The following C3orf18 variants were observed in gnomAD, a reference collection of about 807,000 sequenced individuals.
C3orf18 encodes chromosome 3 open reading frame 18.
C3orf18 carries 12 observed loss-of-function variants against 14.1 expected under a neutral mutation model. That is an observed-to-expected ratio of 0.85 (90% CI 0.55 to 1.38). C3orf18 has a LOEUF of 1.38. Ranked by LOEUF, C3orf18 falls within the 40% of genes most tolerant of loss-of-function variation. The probability of loss-of-function intolerance (pLI) is 0.00; values close to 1 mark genes in which losing one functional copy is unlikely to be tolerated. For missense variants in C3orf18, 196 were observed against 213.9 expected (o/e 0.92, Z 0.52); for synonymous variants, 82 against 87.9 (o/e 0.93, Z 0.38).
At chr3:50,559,886 C>T (rs1234860101) in intron 5 of C3orf18, 149 bp from the exon 6 acceptor site, 2 of 545,586 alleles carry the variant, frequency 3.7e-6, no homozygotes, top group Non-Finnish European at 6.5e-6. Context: ...CAAGCTCAGC[C>T]TACAAATATG....
chr3:50,568,742 A>G (rs924772443), upstream of C3orf18, among the ~76,000 whole-genome samples: 50 of 151,566 alleles, frequency 3.3e-4, no homozygotes, highest in African/African-American at 7.5e-4. Context: ...AAAAAAAAAA[A>G]AAAAGAAAAA....
rs1176900834 is a variant in C3orf18 at position 50,565,179 on chromosome 3, T to A, written c.234+287A>T. Among the ~76,000 whole-genome samples, 1 of 152,038 alleles carries A rather than the reference T, an allele frequency of 6.6e-6. No individual in the cohort carries two copies. Among genetic ancestry groups the A allele is most frequent in the South Asian group, 2.1e-4 (1 of 4,820 alleles). On this transcript the variant is annotated intron_variant, in intron 3 of 5. Coordinates refer to ENST00000357203, the MANE Select transcript of C3orf18 (RefSeq NM_016210.5). The surrounding 1 kb of genome is among the most constrained non-coding windows in gnomAD (Gnocchi z 4.4). ...GCCAGGAGTTCAAGACCAGCCTGGCTAACATAGCGAAACCCCATCTCTACT... is the reference window on the plus strand; with the variant it reads ...GCCAGGAGTTCAAGACCAGCCTGGCAAACATAGCGAAACCCCATCTCTACT...
At chr3:50,561,174 G>A in intron 4 of C3orf18, 110 bp from the exon 5 acceptor site, 5 of 1,197,418 alleles carry the variant, frequency 4.2e-6, no homozygotes, top group Non-Finnish European at 5.9e-6. Flanking sequence ...ACCATGCTTA[G>A]GGCCTTAAGG....
chr3:50,571,604 G>C, upstream of C3orf18: 2 of 1,052,336 alleles, frequency 1.9e-6, no homozygotes, highest in Non-Finnish European at 3.0e-6. Context: ...ATGATGAGAG[G>C]GTTGGGCCTC....
Position 50,561,707 on chromosome 3 carries a change from T to C in C3orf18, c.260+15A>G. 2 of 1,613,264 alleles carry C rather than the reference T, an allele frequency of 1.2e-6. No individual in the cohort carries two copies. The highest frequency in any genetic ancestry group is 1.7e-6 in the Non-Finnish European group (2 of 1,179,838). ...TCAAGTTTTGGGTGGGATTTGGGTT[T>C]GGGTGGGGAATTACCTCTTCTTCTT... On this transcript the variant is annotated intron_variant, in intron 4 of 5. Coordinates refer to ENST00000357203, the MANE Select transcript of C3orf18 (RefSeq NM_016210.5).
At chr3:50,572,262 ACCAGTCTTACC>A, upstream of C3orf18, 20 of 1,570,360 alleles carry the variant, frequency 1.3e-5, no homozygotes, top group Non-Finnish European at 1.7e-5. Flanking sequence ...AGTTCAGGGC[ACCAGTCTTACC>A]CCAGGCTTCC....
In C3orf18 at chr3:50,558,624, T is replaced by C. The variant is rs1559432180; in HGVS notation, c.*1033A>G. ...CCTCTAGCCTGCAGCCTGTGATTAC[T>C]GCCCTCAGACCAACAGCCTCTCCCA... On this transcript the variant is annotated 3_prime_UTR_variant, in exon 6 of 6. Transcript: ENST00000357203. 3.4e-6 allele frequency: 4 copies of C among 1,173,030 alleles called. No individual in the cohort carries two copies. The highest frequency in any genetic ancestry group is 2.2e-6 in the Non-Finnish European group (2 of 903,718). The allele number at this position is 1,173,030 out of a possible 1,614,324, so 72.7% of individuals were successfully genotyped here. A position where few individuals can be genotyped will look rare whatever the true frequency, so the allele number is the denominator to read the frequency against.
chr3:50,559,438 G>C lies in C3orf18; in HGVS notation c.*219C>G. On this transcript the variant is annotated 3_prime_UTR_variant, in exon 6 of 6. Coordinates refer to ENST00000357203, the MANE Select transcript of C3orf18 (RefSeq NM_016210.5). Reference sequence around the variant, plus strand: ...GATGCCCTCTGTGCCAGGGCCCTCAGGTCAGGAGAAGTCAGTGGTCAGAAG... The same window carrying C: ...GATGCCCTCTGTGCCAGGGCCCTCACGTCAGGAGAAGTCAGTGGTCAGAAG... 1 of 1,403,510 alleles carries C rather than the reference G, an allele frequency of 7.1e-7. No homozygotes were observed. The highest frequency in any genetic ancestry group is 9.3e-7 in the Non-Finnish European group (1 of 1,079,200). 86.9% of individuals were successfully genotyped at this position (1,403,510 alleles called of 1,614,324 possible).
intron 3 of C3orf18, among the ~76,000 whole-genome samples, chr3:50,563,020 A>G (rs1203129636): frequency 1.3e-5 from 2 of 152,178 alleles, no homozygotes; most frequent in African/African-American, 4.8e-5. Context: ...TCTGACTACC[A>G]GGAGCATGAC....
At chr3:50,571,727 G>T (rs774145570), upstream of C3orf18, 3 of 1,614,084 alleles carry the variant, frequency 1.9e-6, no homozygotes, top group Non-Finnish European at 2.5e-6. Context: ...GCCTGAGGCC[G>T]GCACTTTGGA....
chr3:50,567,303 A>G (rs1190230754), intron 1 of C3orf18, among the ~76,000 whole-genome samples, 160 bp downstream of exon 1: 4 of 152,112 alleles, frequency 2.6e-5, no homozygotes, highest in Non-Finnish European at 4.4e-5. Flanking sequence ...AGGGGAAGGG[A>G]AGGAAACCGG....
Position 50,561,753 on chromosome 3 carries a change from A to G in C3orf18, c.235-6T>C, listed in dbSNP as rs1331555050. On this transcript the variant is annotated splice_region_variant and splice_polypyrimidine_tract_variant and intron_variant, in intron 3 of 5. Transcript: ENST00000357203. ...TTCTTCCTGATGTACAAAACCTGCA[A>G]GAGAAGGAGCAGCATCAAATGGCAA... 8 of 1,613,796 alleles carry G rather than the reference A, an allele frequency of 5.0e-6. No individual in the cohort carries two copies. Among genetic ancestry groups the G allele is most frequent in the Non-Finnish European group, 6.8e-6 (8 of 1,180,000 alleles).
chr3:50,560,873 C>T (rs1328112298), intron 5 of C3orf18, 44 bp downstream of exon 5: 2 of 1,570,262 alleles, frequency 1.3e-6, no homozygotes, highest in Non-Finnish European at 1.7e-6. Flanking sequence ...GGGTGGAGGA[C>T]AGAGGATGCT....
upstream of C3orf18, chr3:50,572,316 G>T: frequency 8.7e-7 from 1 of 1,146,176 alleles, no homozygotes; most frequent in South Asian, 1.4e-5. Context: ...TGACTTCAGG[G>T]ACAGTGCCTT....
At chr3:50,571,879 G>C, upstream of C3orf18, 1 of 1,470,940 alleles carries the variant, frequency 6.8e-7, no homozygotes, top group Middle Eastern at 1.7e-4. Flanking sequence ...ACCAAGTTCA[G>C]GGAGGAGGAG....
chr3:50,561,608 C>T, intron 4 of C3orf18, 114 bp downstream of exon 4: 2 of 1,024,060 alleles, frequency 2.0e-6, no homozygotes, highest in South Asian at 2.9e-5. Flanking sequence ...CATGAATGGG[C>T]AGGACAGGCC....
intron 1 of C3orf18, 38 bp downstream of exon 1, chr3:50,567,425 C>A: frequency 6.5e-6 from 1 of 152,820 alleles, no homozygotes; most frequent in Non-Finnish European, 1.5e-5. Flanking sequence ...CCTGTGATGC[C>A]TCCCTTCTTG....
chr3:50,562,394 G>A (rs977960801), intron 3 of C3orf18: 3 of 445,458 alleles, frequency 6.7e-6, no homozygotes, highest in Non-Finnish European at 4.5e-6. Flanking sequence ...CAGGGCTGAA[G>A]AAGAAAGGGA....
At chr3:50,573,222 T>C (rs890288648), upstream of C3orf18, among the ~76,000 whole-genome samples, 14 of 152,064 alleles carry the variant, frequency 9.2e-5, no homozygotes, top group African/African-American at 2.9e-4. Context: ...GAAGGGAGCA[T>C]GGGGGCAGCA....
Sources: gnomAD v4.1 joint callset for allele counts (sites outside exome capture counted in the v4.1 genomes callset) on GRCh38, gnomAD v4.1.1 for gene constraint, Gnocchi (gnomAD v3.1) non-coding constraint, MANE v1.5 for transcripts, NCBI Gene and HGNC (gene_info 2026-07-23, HGNC 2026-07-21) for gene names.